The following BCAS1 variants were observed in gnomAD, a reference collection of about 807,000 sequenced individuals.
BCAS1 encodes the protein breast carcinoma-amplified sequence 1.
A neutral mutation model predicts 65.4 loss-of-function variants in BCAS1; 46 were observed. That is an observed-to-expected ratio of 0.70 (90% CI 0.55 to 0.90). BCAS1 has a LOEUF of 0.90. BCAS1 is among the 40% of genes least tolerant of loss of function. The probability of loss-of-function intolerance (pLI) is 0.00; values close to 1 mark genes in which losing one functional copy is unlikely to be tolerated. For missense variants in BCAS1, 793 were observed against 771.2 expected, an observed-to-expected ratio of 1.03 and a Z score of -0.33; for synonymous variants, 298 against 293.5, an observed-to-expected ratio of 1.02 and a Z score of -0.16.
At chr20:54,022,032 T>C (rs1439841977) in intron 4 of BCAS1, among the ~76,000 whole-genome samples, 1 of 152,192 alleles carries the variant, frequency 6.6e-6, no homozygotes, top group Non-Finnish European at 1.5e-5. Flanking sequence ...AAACCTTTAA[T>C]GTGTAAAAAT....
At position 53,944,820 on chromosome 20, in the gene BCAS1, C is replaced by A; in HGVS notation, c.*102G>T. ...TTCTAGGCAGAATTTCATTTGCTGG[C>A]CATCAGAAGAATATATACATGGAGC... is the stretch of plus-strand genomic sequence containing the variant. On this transcript the variant is annotated 3_prime_UTR_variant, in exon 13 of 13. Transcript: ENST00000688948. 1.8e-6 allele frequency: 2 copies of A among 1,086,048 alleles called. No homozygotes were observed. Among genetic ancestry groups the A allele is most frequent in the South Asian group, 1.3e-5 (1 of 79,644 alleles). The allele number at this position is 1,086,048 out of a possible 1,614,324, so 67.3% of individuals were successfully genotyped here. A position where few individuals can be genotyped will look rare whatever the true frequency, so the allele number is the denominator to read the frequency against.
intron 9 of BCAS1, among the ~76,000 whole-genome samples, chr20:53,967,936 T>C (rs867538628): frequency 6.6e-5 from 10 of 152,234 alleles, no homozygotes; most frequent in Non-Finnish European, 1.5e-5. Context: ...CTTTGTTTCC[T>C]CAGGCAGGGG....
chr20:53,980,268 G>A (rs138026914), intron 8 of BCAS1, among the ~76,000 whole-genome samples: 6 of 152,222 alleles, frequency 3.9e-5, no homozygotes, highest in Non-Finnish European at 5.9e-5. Flanking sequence ...TAACTTGGTC[G>A]TTGTCCAAGT....
intron 12 of BCAS1, among the ~76,000 whole-genome samples, chr20:53,950,627 T>G (rs557310199): frequency 6.6e-6 from 1 of 152,386 alleles, no homozygotes; most frequent in Non-Finnish European, 1.5e-5. Context: ...TTTAAACTTA[T>G]CTACTAATAC....
chr20:54,051,654 C>A (rs1473504814), intron 3 of BCAS1, among the ~76,000 whole-genome samples: 1 of 152,158 alleles, frequency 6.6e-6, no homozygotes. Flanking sequence ...TCTTTCCCCC[C>A]ATTCTTTATT....
intron 3 of BCAS1, among the ~76,000 whole-genome samples, chr20:54,057,332 A>G (rs957710512): frequency 6.6e-6 from 1 of 152,220 alleles, no homozygotes; most frequent in African/African-American, 2.4e-5. Flanking sequence ...AATGTTTAAT[A>G]AACAACCTCC....
At chr20:54,048,910 G>A (rs1218093581) in intron 3 of BCAS1, among the ~76,000 whole-genome samples, 1 of 152,176 alleles carries the variant, frequency 6.6e-6, no homozygotes, top group African/African-American at 2.4e-5. Context: ...AGAAAGGATG[G>A]CAAGCGTCCT....
At chr20:54,024,141 G>A (rs1197454085) in intron 4 of BCAS1, among the ~76,000 whole-genome samples, 1 of 152,206 alleles carries the variant, frequency 6.6e-6, no homozygotes, top group African/African-American at 2.4e-5. Context: ...AGGAGGTGAA[G>A]TAGCTTGCCC....
intron 12 of BCAS1, among the ~76,000 whole-genome samples, chr20:53,950,492 G>T (rs953643076): frequency 9.9e-5 from 15 of 151,490 alleles, no homozygotes; most frequent in Non-Finnish European, 2.2e-4. Context: ...CCATACTCAG[G>T]CAAACTCTAT....
At chr20:54,055,630 A>G (rs540703434) in intron 3 of BCAS1, among the ~76,000 whole-genome samples, 3 of 152,282 alleles carry the variant, frequency 2.0e-5, no homozygotes, top group African/African-American at 7.2e-5. Flanking sequence ...CAACTACCAT[A>G]TGATTCAGCA....
In BCAS1 at chr20:53,992,590, G is replaced by T. The variant is rs1338721439; in HGVS notation, c.984C>A (p.Ile328=). The change falls in exon 7 of 13, where the codon ATC becomes ATA. Residue 328 remains isoleucine, a synonymous_variant. Transcript: ENST00000688948. ...GCTTTTTCTTGGTGCCTCTAGCCTG[G>T]ATCTCGGATGTCTTCTGACCAGCTT... ...DGQAGQKTSE[I]QARGTKKKHL... is the part of the protein sequence containing the mutation. 1 of 1,365,726 alleles carries T rather than the reference G, an allele frequency of 7.3e-7. No individual in the cohort carries two copies. Among genetic ancestry groups the T allele is most frequent in the Admixed American group, 1.9e-5 (1 of 52,406 alleles). 84.6% of individuals were successfully genotyped at this position (1,365,726 alleles called of 1,614,324 possible).
chr20:54,052,668 G>A (rs2092237267), intron 3 of BCAS1, among the ~76,000 whole-genome samples: 1 of 152,112 alleles, frequency 6.6e-6, no homozygotes, highest in Admixed American at 6.5e-5. Context: ...GCCATCTGAG[G>A]ACACAGCATT....
chr20:53,990,874 T>C (rs2090739403), intron 7 of BCAS1, among the ~76,000 whole-genome samples: 2 of 152,204 alleles, frequency 1.3e-5, no homozygotes, highest in East Asian at 3.8e-4. Context: ...GAAGTCCTTG[T>C]GTCTGTGTTA....
intron 12 of BCAS1, among the ~76,000 whole-genome samples, chr20:53,946,930 T>C (rs80011932): frequency 0.1 from 15,289 of 152,004 alleles, 878 homozygotes; most frequent in South Asian, 0.16. Context: ...GAGTGTATTA[T>C]AGCATAATAA....
chr20:54,061,465 A>T (rs940324821), intron 1 of BCAS1, among the ~76,000 whole-genome samples: 4 of 152,236 alleles, frequency 2.6e-5, no homozygotes, highest in African/African-American at 7.2e-5. Context: ...CTTCTGGCTT[A>T]TCTGCTCTAG....
chr20:54,039,729 T>C (rs2091958416), intron 3 of BCAS1, among the ~76,000 whole-genome samples: 1 of 151,436 alleles, frequency 6.6e-6, no homozygotes, highest in Non-Finnish European at 1.5e-5. Flanking sequence ...TTAACCCGTG[T>C]TTACAACCAA....
intron 12 of BCAS1, among the ~76,000 whole-genome samples, chr20:53,952,992 G>T (rs909964056): frequency 3.3e-5 from 5 of 151,870 alleles, no homozygotes; most frequent in Non-Finnish European, 7.4e-5. Flanking sequence ...AGCCAATAAT[G>T]CATTCATTCA....
chr20:53,994,598 TTA>T lies in BCAS1; in HGVS notation c.927+412_927+413del, dbSNP rs749282361. On this transcript the variant is annotated intron_variant, in intron 6 of 12. Transcript: ENST00000688948. ...AGCAGCTTTCTTCTACTTTATTTTT[TTA>T]GAGTCCACGTCCTACTGAAAAGCTT... Among the ~76,000 whole-genome samples, 353 of 152,300 alleles carry T rather than the reference TTA, an allele frequency of 2.3e-3. 3 individuals are homozygous for T. The highest frequency in any genetic ancestry group is 2.1e-3 in the South Asian group (10 of 4,828).
chr20:53,980,286 T>C (rs1476362763), intron 8 of BCAS1, among the ~76,000 whole-genome samples: 1 of 152,212 alleles, frequency 6.6e-6, no homozygotes, highest in African/African-American at 2.4e-5. Flanking sequence ...AGTTAACTGA[T>C]AAAAATTTTG....
Sources: allele counts gnomAD v4.1 joint callset (sites outside exome capture counted in the v4.1 genomes callset), GRCh38; gene constraint gnomAD v4.1.1; transcripts MANE v1.5; gene names NCBI Gene and HGNC (gene_info 2026-07-23, HGNC 2026-07-21).